CC2D2B: variants seen among roughly 807,000 people sequenced by gnomAD.
CC2D2B encodes protein CC2D2B.
CC2D2B carries 128 observed loss-of-function variants against 161.2 expected under a neutral mutation model. The ratio of observed to expected loss-of-function variants is 0.79; its 90% CI spans 0.69 to 0.92. The LOEUF is 0.92. CC2D2B is among the 40% of genes least tolerant of loss of function. The pLI, the probability that CC2D2B is intolerant of heterozygous loss-of-function variation, is 0.00. For missense variants in CC2D2B, 1,173 were observed against 1,375.1 expected (o/e 0.85, Z 2.32); for synonymous variants, 391 against 449.8 (o/e 0.87, Z 1.65).
intron 9 of CC2D2B, among the ~76,000 whole-genome samples, chr10:95,947,408 C>T (rs1297883312): frequency 6.6e-6 from 1 of 150,918 alleles, no homozygotes; most frequent in African/African-American, 2.4e-5. Context: ...AGCCACCACA[C>T]TCGGCCTATT....
At chr10:95,922,191 T>C in intron 3 of CC2D2B, 115 bp downstream of exon 3, 1 of 513,164 alleles carries the variant, frequency 1.9e-6, no homozygotes, top group Non-Finnish European at 3.4e-6. Flanking sequence ...AAGGAATCAG[T>C]TTAAAGAGAA....
intron 9 of CC2D2B, among the ~76,000 whole-genome samples, chr10:95,940,678 T>C (rs1247094392): frequency 6.6e-6 from 1 of 152,196 alleles, no homozygotes; most frequent in Non-Finnish European, 1.5e-5. Context: ...TATAATTCAT[T>C]GTCATCTTTG....
At chr10:95,984,652 G>C (rs559463321) in intron 19 of CC2D2B, 1 of 152,264 alleles carries the variant, frequency 6.6e-6, no homozygotes, top group Admixed American at 6.5e-5. Flanking sequence ...TGAGGCAGAA[G>C]GATAGTTTGA....
chr10:95,932,868 T>C (rs931832142), intron 6 of CC2D2B, among the ~76,000 whole-genome samples: 19 of 152,148 alleles, frequency 1.2e-4, no homozygotes, highest in Admixed American at 1.0e-3. Context: ...TTGGGGTTGC[T>C]CTTCTCGAGG....
intron 9 of CC2D2B, among the ~76,000 whole-genome samples, chr10:95,947,393 G>A (rs973419963): frequency 8.7e-5 from 13 of 148,846 alleles, no homozygotes; most frequent in African/African-American, 3.2e-4. Flanking sequence ...GATTATACAA[G>A]TATGAGCCAC....
In CC2D2B at chr10:95,924,761, A is replaced by C. The variant is rs2098535268; in HGVS notation, c.175-18A>C. ...ATTATGTCTATTTCTGTAAAGATTT[A>C]TTTATGTTGTGTTTCAGATTAATAA... is the stretch of plus-strand genomic sequence containing the variant. On this transcript the variant is annotated intron_variant, in intron 4 of 34. Transcript: ENST00000646931. 1 of 1,479,200 alleles carries C rather than the reference A, an allele frequency of 6.8e-7. No individual in the cohort carries two copies. The highest frequency in any genetic ancestry group is 2.5e-5 in the East Asian group (1 of 40,434). 91.6% of individuals were successfully genotyped at this position (1,479,200 alleles called of 1,614,324 possible).
chr10:96,024,895 G>T lies in CC2D2B; in HGVS notation c.3931G>T (p.Glu1311Ter). ...IYFETDKSMV[E>*]DLRNRIERTL... The stretch of plus-strand genomic sequence containing the variant: ...TTTTGAAACTGATAAAAGCATGGTA[G>T]AAGATCTAAGGAATAGGTACTGTGT... The change falls in exon 33 of 35, where the codon GAA (glutamate) becomes TAA (stop). Residue 1311 changes from glutamate to a stop codon, truncating the protein, a stop_gained. Transcript: ENST00000646931. LOFTEE classifies it high-confidence loss of function. 6.5e-7 allele frequency: 1 copy of T among 1,531,562 alleles called. No homozygotes were observed. Among genetic ancestry groups the T allele is most frequent in the Admixed American group, 2.0e-5 (1 of 50,708 alleles). The allele number at this position is 1,531,562 out of a possible 1,614,324, so 94.9% of individuals were successfully genotyped here. A position where few individuals can be genotyped will look rare whatever the true frequency, so the allele number is the denominator to read the frequency against.
At position 96,032,052 on chromosome 10, in the gene CC2D2B, G is replaced by C. The variant is rs1004256841; in HGVS notation, c.*44G>C. On this transcript the variant is annotated 3_prime_UTR_variant, in exon 35 of 35. Coordinates refer to ENST00000646931, the MANE Select transcript of CC2D2B (RefSeq NM_001349008.3). ...TAAAAGATTGTACTATAGTCCTCTAGTACCAACAAAAACTTTTCTGGTACC... is the reference window on the plus strand; with the variant it reads ...TAAAAGATTGTACTATAGTCCTCTACTACCAACAAAAACTTTTCTGGTACC... The C allele has an allele frequency of 1.4e-6, 2 of 1,473,358 alleles. No homozygotes were observed. Among genetic ancestry groups the C allele is most frequent in the Non-Finnish European group, 1.9e-6 (2 of 1,079,734 alleles). The allele number at this position is 1,473,358 out of a possible 1,614,324, so 91.3% of individuals were successfully genotyped here.
chr10:95,953,971 G>A (rs1590569648), intron 10 of CC2D2B, among the ~76,000 whole-genome samples: 1 of 152,272 alleles, frequency 6.6e-6, no homozygotes, highest in South Asian at 2.1e-4. Context: ...TATTTTGCAT[G>A]ATAATGCCTA....
intron 2 of CC2D2B, 131 bp from the exon 3 acceptor site, chr10:95,921,885 T>G: frequency 1.9e-6 from 1 of 514,928 alleles, no homozygotes; most frequent in East Asian, 3.4e-5. Context: ...ACATGGCACA[T>G]GTATACCTAT....
At chr10:95,936,719 A>T (rs1476560653) in intron 6 of CC2D2B, among the ~76,000 whole-genome samples, 1 of 152,154 alleles carries the variant, frequency 6.6e-6, no homozygotes, top group Non-Finnish European at 1.5e-5. Flanking sequence ...GCTTGTCTCA[A>T]GCTAAAAATA....
intron 2 of CC2D2B, among the ~76,000 whole-genome samples, chr10:95,918,468 G>T: frequency 6.6e-6 from 1 of 152,168 alleles, no homozygotes. Context: ...TTTTCACTGA[G>T]AAATGTGCTG....
intron 30 of CC2D2B, among the ~76,000 whole-genome samples, chr10:96,017,054 TA>T (rs199778731): frequency 6.6e-6 from 1 of 151,908 alleles, no homozygotes; most frequent in African/African-American, 2.4e-5. Flanking sequence ...TTAAGATCTG[TA>T]AAAAAAACAC....
intron 2 of CC2D2B, among the ~76,000 whole-genome samples, chr10:95,914,931 C>G (rs1732214616): frequency 6.6e-6 from 1 of 152,076 alleles, no homozygotes; most frequent in Non-Finnish European, 1.5e-5. Flanking sequence ...TTTAGGATTA[C>G]TTTTTCTATT....
chr10:95,924,467 C>CA, intron 4 of CC2D2B, 77 bp downstream of exon 4: 1 of 772,308 alleles, frequency 1.3e-6, no homozygotes, highest in Admixed American at 3.1e-5. Context: ...TTTTCTTTGT[C>CA]AAAAGAGCCG....
At chr10:95,993,359 T>G (rs1359291979) in intron 22 of CC2D2B, among the ~76,000 whole-genome samples, 1 of 152,142 alleles carries the variant, frequency 6.6e-6, no homozygotes, top group African/African-American at 2.4e-5. Context: ...TCAGTATGAT[T>G]TATATATTAC....
chr10:95,927,359 C>T, intron 6 of CC2D2B, 27 bp downstream of exon 6: 3 of 1,189,972 alleles, frequency 2.5e-6, no homozygotes, highest in East Asian at 2.6e-5. Flanking sequence ...TCCCTCCCAC[C>T]ATCTCACTCT....
chr10:95,993,668 G>A (rs2078039610), intron 22 of CC2D2B, among the ~76,000 whole-genome samples: 1 of 145,966 alleles, frequency 6.9e-6, no homozygotes, highest in African/African-American at 2.5e-5. Flanking sequence ...TTTTCTATAA[G>A]CATCATGCTG....
At chr10:95,993,942 GTATGTA>G (rs1438954414) in intron 22 of CC2D2B, among the ~76,000 whole-genome samples, 1,436 of 25,256 alleles carry the variant, frequency 0.057, 66 homozygotes, top group African/African-American at 0.12. Context: ...GTGTGTGTGT[GTATGTA>G]TGTGTATATA....
Sources: allele counts gnomAD v4.1 joint callset (sites outside exome capture counted in the v4.1 genomes callset), GRCh38; gene constraint gnomAD v4.1.1; transcripts MANE v1.5; gene names NCBI Gene and HGNC (gene_info 2026-07-23, HGNC 2026-07-21).